Variants in KHDRBS3 observed in about 807,000 individuals in gnomAD.
The protein encoded by KHDRBS3 is KH domain-containing, RNA-binding, signal transduction-associated protein 3.
KHDRBS3 carries 23 observed loss-of-function variants against 45.6 expected under a neutral mutation model. That is an observed-to-expected ratio of 0.50 (90% CI 0.36 to 0.72). The LOEUF (loss-of-function observed/expected upper bound fraction) is 0.72, where lower values mean the gene tolerates loss of function less well. Among genes scored for constraint, KHDRBS3 ranks in the 30% least tolerant of loss-of-function variants. The pLI is 0.00. For synonymous variants in KHDRBS3, 162 were observed against 156.5 expected (o/e 1.04, Z -0.26); for missense variants, 352 against 424.8 (o/e 0.83, Z 1.51).
At chr8:135,463,898 A>G (rs1228438899) in intron 1 of KHDRBS3, among the ~76,000 whole-genome samples, 3 of 152,222 alleles carry the variant, frequency 2.0e-5, no homozygotes, top group Non-Finnish European at 4.4e-5. Flanking sequence ...GATGATGATT[A>G]TAAAAGCCAC....
In KHDRBS3 at chr8:135,466,314, A is replaced by G. The variant is rs533909632; in HGVS notation, c.88+8360A>G. Among the ~76,000 whole-genome samples the G allele has an allele frequency of 1.5e-4, 23 of 152,252 alleles. No homozygotes were observed. In the East Asian group the frequency reaches 4.2e-3, roughly 28 times the overall value. On this transcript the variant is annotated intron_variant, in intron 1 of 8. Coordinates refer to ENST00000355849, the MANE Select transcript of KHDRBS3 (RefSeq NM_006558.3). ...TTTCTTCATTTAATCCATGACTTTC[A>G]CGTGAATTTAGTTTTGTTGTTCTCA... is the stretch of plus-strand genomic sequence containing the variant.
At chr8:135,561,252 A>G (rs1416309253) in intron 5 of KHDRBS3, among the ~76,000 whole-genome samples, 1 of 152,176 alleles carries the variant, frequency 6.6e-6, no homozygotes, top group Non-Finnish European at 1.5e-5. Flanking sequence ...AACTCATTTT[A>G]ACAAACACTT....
At chr8:135,620,601 A>G (rs28417054) in intron 7 of KHDRBS3, among the ~76,000 whole-genome samples, 11,473 of 152,212 alleles carry the variant, frequency 0.075, 692 homozygotes, top group African/African-American at 0.16. Context: ...TCTCAAATAT[A>G]CCTTTTGAAG....
intron 1 of KHDRBS3, among the ~76,000 whole-genome samples, chr8:135,471,784 G>A (rs1323938328): frequency 6.6e-6 from 1 of 152,224 alleles, no homozygotes; most frequent in Non-Finnish European, 1.5e-5. Flanking sequence ...ACAGTGTGCA[G>A]TGAATGCATC....
Position 135,457,984 on chromosome 8 carries a change from G to C in KHDRBS3, c.88+30G>C, listed in dbSNP as rs933551036. The C allele has an allele frequency of 6.4e-6, 10 of 1,558,794 alleles. No individual in the cohort carries two copies. The highest frequency in any genetic ancestry group is 6.1e-6 in the Non-Finnish European group (7 of 1,153,904). On this transcript the variant is annotated intron_variant, in intron 1 of 8. Coordinates refer to ENST00000355849, the MANE Select transcript of KHDRBS3 (RefSeq NM_006558.3). This position sits in a 1 kb window ranked among gnomAD's most constrained non-coding sequence, Gnocchi z 4.4. ...GGCGCCGGCCGTTAACTGCCGGCCG[G>C]CGGCGGTTGGGGGCCGGGTGGAAAC...
chr8:135,546,568 G>A (rs1340257020), intron 3 of KHDRBS3, among the ~76,000 whole-genome samples: 2 of 152,100 alleles, frequency 1.3e-5, no homozygotes, highest in African/African-American at 4.8e-5. Context: ...AAATGATAGT[G>A]ATATAATAAT....
chr8:135,623,437 G>A (rs150202324), intron 7 of KHDRBS3, among the ~76,000 whole-genome samples: 5 of 152,244 alleles, frequency 3.3e-5, no homozygotes, highest in African/African-American at 1.2e-4. Flanking sequence ...AATAAAGTGA[G>A]TAGGCAAATT....
At chr8:135,634,860 G>C (rs1371446894) in intron 7 of KHDRBS3, among the ~76,000 whole-genome samples, 1 of 152,202 alleles carries the variant, frequency 6.6e-6, no homozygotes, top group Admixed American at 6.5e-5. Flanking sequence ...CAGTTTTCCA[G>C]ATAAAAGAAT....
chr8:135,616,867 T>A (rs985696852), intron 7 of KHDRBS3, among the ~76,000 whole-genome samples: 4 of 152,186 alleles, frequency 2.6e-5, no homozygotes, highest in African/African-American at 9.6e-5. Context: ...TTATTTATTT[T>A]TTAAATAATT....
At chr8:135,606,924 A>G (rs763475418) in intron 6 of KHDRBS3, 31 bp from the exon 7 acceptor site, 1 of 1,537,860 alleles carries the variant, frequency 6.5e-7, no homozygotes, top group East Asian at 2.3e-5. Context: ...ACTTCTCTGA[A>G]TGTTTTTGTA....
chr8:135,519,263 T>C (rs1824782643), intron 1 of KHDRBS3, among the ~76,000 whole-genome samples: 2 of 152,218 alleles, frequency 1.3e-5, no homozygotes, highest in Admixed American at 1.3e-4. Flanking sequence ...TTACCAATTC[T>C]TTGATGCCAG....
chr8:135,510,586 C>T (rs1824230853), intron 1 of KHDRBS3, among the ~76,000 whole-genome samples: 1 of 152,180 alleles, frequency 6.6e-6, no homozygotes, highest in South Asian at 2.1e-4. Context: ...AGGCACACGC[C>T]ACCATGCCCG....
intron 6 of KHDRBS3, among the ~76,000 whole-genome samples, chr8:135,602,691 T>C (rs1205116884): frequency 6.6e-6 from 1 of 152,204 alleles, no homozygotes; most frequent in Non-Finnish European, 1.5e-5. Context: ...GTAACCATGA[T>C]CTTTGCATTT....
At chr8:135,633,799 G>A (rs7821702) in intron 7 of KHDRBS3, among the ~76,000 whole-genome samples, 86,910 of 152,016 alleles carry the variant, frequency 0.57, 25,393 homozygotes, top group East Asian at 0.96. Flanking sequence ...GCCTCTACAC[G>A]TGCACAGCCT....
At chr8:135,606,911 G>A in intron 6 of KHDRBS3, 44 bp from the exon 7 acceptor site, 1 of 1,477,306 alleles carries the variant, frequency 6.8e-7, no homozygotes, top group Non-Finnish European at 9.4e-7. Flanking sequence ...TTTCTTTTTA[G>A]AAACTTCTCT....
intron 7 of KHDRBS3, among the ~76,000 whole-genome samples, chr8:135,624,434 A>G (rs1168170373): frequency 6.6e-6 from 1 of 152,246 alleles, no homozygotes; most frequent in Admixed American, 6.5e-5. Flanking sequence ...CCCCAAAAAC[A>G]TAATACATAG....
At chr8:135,483,899 T>C (rs1327331183) in intron 1 of KHDRBS3, among the ~76,000 whole-genome samples, 5 of 152,102 alleles carry the variant, frequency 3.3e-5, no homozygotes, top group Admixed American at 2.6e-4. Flanking sequence ...AGAATTCCCA[T>C]TGGTTTTGAT....
intron 7 of KHDRBS3, among the ~76,000 whole-genome samples, chr8:135,631,455 G>GTTTT (rs72323528): frequency 6.8e-6 from 1 of 147,364 alleles, no homozygotes; most frequent in African/African-American, 2.5e-5. Flanking sequence ...TAATGTTTTG[G>GTTTT]TTTTTTTTTT....
At chr8:135,458,322 A>G in intron 1 of KHDRBS3, 1 of 492,498 alleles carries the variant, frequency 2.0e-6, no homozygotes, top group Non-Finnish European at 2.8e-6. Context: ...GACTCGGGGA[A>G]GTAGGGCGTT....
Sources: gnomAD v4.1 joint callset for allele counts (sites outside exome capture counted in the v4.1 genomes callset) on GRCh38, gnomAD v4.1.1 for gene constraint, Gnocchi (gnomAD v3.1) non-coding constraint, MANE v1.5 for transcripts, NCBI Gene and HGNC (gene_info 2026-07-23, HGNC 2026-07-21) for gene names.